The following DZIP3 variants were observed in gnomAD, a reference collection of about 807,000 sequenced individuals.
DZIP3 encodes the protein E3 ubiquitin-protein ligase DZIP3.
DZIP3 carries 118 observed loss-of-function variants against 162.0 expected under a neutral mutation model. The observed-to-expected ratio is 0.73, with a 90% CI of 0.63 to 0.85. DZIP3 has a LOEUF of 0.85. Among genes scored for constraint, DZIP3 ranks in the 40% least tolerant of loss-of-function variants. The pLI, the probability that DZIP3 is intolerant of heterozygous loss-of-function variation, is 0.00. For synonymous variants in DZIP3, 438 were observed against 458.6 expected, an observed-to-expected ratio of 0.96 and a Z score of 0.57; for missense variants, 1,331 against 1,407.0, an observed-to-expected ratio of 0.95 and a Z score of 0.86.
chr3:108,660,420 A>C (rs1943365708), intron 19 of DZIP3, among the ~76,000 whole-genome samples: 1 of 152,210 alleles, frequency 6.6e-6, no homozygotes, highest in South Asian at 2.1e-4. Flanking sequence ...GGTGCTGGGA[A>C]AACTGGCTAG....
rs931515410 is a variant in DZIP3 at position 108,686,936 on chromosome 3, CTATA to C, written c.3149+355_3149+358del. On this transcript the variant is annotated intron_variant, in intron 28 of 32. Coordinates refer to ENST00000361582, the MANE Select transcript of DZIP3 (RefSeq NM_014648.4). ...AAGTGAATTTTAAGTTGATTGTATG[CTATA>C]TAAGCCCAAACATCTTTAGGATTTA... Among the ~76,000 whole-genome samples the C allele has an allele frequency of 2.2e-4, 34 of 152,194 alleles. 1 individual carries two copies. The highest frequency in any genetic ancestry group is 2.1e-3 in the Admixed American group (32 of 15,294).
In DZIP3 at chr3:108,654,004, A is replaced by T. The variant is rs938300372; in HGVS notation, c.2034-141A>T. The T allele has an allele frequency of 1.2e-5, 10 of 805,450 alleles. No individual in the cohort carries two copies. In the East Asian group the frequency reaches 2.4e-4, roughly 20 times the overall value. 49.9% of individuals were successfully genotyped at this position (805,450 alleles called of 1,614,324 possible). On this transcript the variant is annotated intron_variant, in intron 18 of 32. Coordinates refer to ENST00000361582, the MANE Select transcript of DZIP3 (RefSeq NM_014648.4). ...AAAAGAAAGACTCAGTATGAGCACT[A>T]TCCAAACTTCCTTTGATCATGAACC...
Position 108,625,933 on chromosome 3 carries a change from A to G in DZIP3, c.545A>G (p.Tyr182Cys). Residue 182 changes from tyrosine to cysteine, a missense_variant, in exon 7 of 33, where the codon TAT becomes TGT. Around this residue, in one of 2 missense-constraint regions of DZIP3, gnomAD observed 1,278 missense variants for 1,317.1 expected, o/e 0.97. Transcript: ENST00000361582. ...EICENFMSLV[Y>C]FGRGLLRCAQ... ...TGTGAAAACTTTATGTCTTTAGTTT[A>G]TTTTGGACGTGGTTTACTGCGATGT... 6.2e-7 allele frequency: 1 copy of G among 1,613,454 alleles called. No homozygotes were observed. Among genetic ancestry groups the G allele is most frequent in the Non-Finnish European group, 8.5e-7 (1 of 1,179,790 alleles).
intron 2 of DZIP3, among the ~76,000 whole-genome samples, chr3:108,606,274 C>T (rs1940366680): frequency 1.3e-5 from 2 of 152,196 alleles, no homozygotes; most frequent in Non-Finnish European, 2.9e-5. Context: ...AGGGCAAGTT[C>T]AGCCCACCTC....
chr3:108,686,635 C>CATAGCCATA, intron 28 of DZIP3, 51 bp downstream of exon 28: 1 of 1,434,350 alleles, frequency 7.0e-7, no homozygotes, highest in Non-Finnish European at 9.2e-7. Context: ...CTCCAGTTTT[C>CATAGCCATA]ATAGCCATAA....
At chr3:108,686,422 C>A in intron 27 of DZIP3, 23 bp from the exon 28 acceptor site, 1 of 1,537,762 alleles carries the variant, frequency 6.5e-7, no homozygotes, top group Non-Finnish European at 8.7e-7. Context: ...ACCTGCTGGG[C>A]TATAGCTCTC....
At chr3:108,686,606 G>C in intron 28 of DZIP3, 22 bp downstream of exon 28, 1 of 1,578,664 alleles carries the variant, frequency 6.3e-7, no homozygotes, top group African/African-American at 1.4e-5. Context: ...TTTATTTATT[G>C]GTGGGTACAG....
At chr3:108,631,583 C>CTTT (rs10708434) in intron 8 of DZIP3, among the ~76,000 whole-genome samples, 9 of 101,360 alleles carry the variant, frequency 8.9e-5, no homozygotes, top group East Asian at 2.6e-4. Flanking sequence ...TTATTATTCC[C>CTTT]TTTTTTTTTT....
intron 4 of DZIP3, among the ~76,000 whole-genome samples, chr3:108,613,852 G>A (rs1401695889): frequency 6.6e-6 from 1 of 152,136 alleles, no homozygotes; most frequent in Non-Finnish European, 1.5e-5. Context: ...AAAACCGTAT[G>A]TTCATAAGGT....
chr3:108,690,788 G>T lies in DZIP3; in HGVS notation c.3518G>T (p.Cys1173Phe), dbSNP rs1268708716. Residue 1173 changes from cysteine (C) to phenylalanine (F), a missense_variant and splice_region_variant, in exon 32 of 33, where the codon TGC becomes TTC. Physicochemically the swap from Cys to Phe is radical, Grantham distance 205. Coordinates refer to ENST00000361582, the MANE Select transcript of DZIP3 (RefSeq NM_014648.4). ...GACATAAATCTTTTTGCTCCTTAGT[G>T]CATTAGACCATGGTTGATGCAACAG... ...LPCAHKFHAQCIRPWLMQQGT... is the reference protein window; with the variant it reads ...LPCAHKFHAQFIRPWLMQQGT... The T allele has an allele frequency of 3.1e-6, 5 of 1,613,660 alleles. No homozygotes were observed. The highest frequency in any genetic ancestry group is 2.2e-5 in the East Asian group (1 of 44,874).
At chr3:108,625,697 G>A (rs1471480428) in intron 6 of DZIP3, 148 bp from the exon 7 acceptor site, 2 of 700,262 alleles carry the variant, frequency 2.9e-6, no homozygotes, top group African/African-American at 3.7e-5. Flanking sequence ...ATGCAGAGAT[G>A]CCAGGATTCA....
At chr3:108,607,533 A>G (rs191482789) in intron 2 of DZIP3, among the ~76,000 whole-genome samples, 75 of 152,286 alleles carry the variant, frequency 4.9e-4, no homozygotes, top group African/African-American at 1.6e-3. Context: ...AGTTCAGTAT[A>G]TAATACTGCA....
At chr3:108,677,675 C>T in intron 26 of DZIP3, 77 bp downstream of exon 26, 1 of 1,258,846 alleles carries the variant, frequency 7.9e-7, no homozygotes, top group Non-Finnish European at 1.2e-6. Context: ...ACTGAATATG[C>T]AGTATGTTTA....
At chr3:108,631,055 A>ACACATATACACTCT in intron 8 of DZIP3, among the ~76,000 whole-genome samples, 1 of 18,006 alleles carries the variant, frequency 5.6e-5, no homozygotes, top group Non-Finnish European at 9.0e-5. Context: ...ACACACACAC[A>ACACATATACACTCT]CTCTCTCTCT....
At position 108,688,607 on chromosome 3, in the gene DZIP3, A is replaced by C; in HGVS notation, c.3285A>C (p.Ser1095=). 1 of 1,610,540 alleles carries C rather than the reference A, an allele frequency of 6.2e-7. No homozygotes were observed. The highest frequency in any genetic ancestry group is 8.5e-7 in the Non-Finnish European group (1 of 1,179,146). Reference sequence around the variant, plus strand: ...CTTATTTTCAGAGTCAAGGAAAATCAGTGTCAAATGTTAATTGTGTTTCAC... The same window carrying C: ...CTTATTTTCAGAGTCAAGGAAAATCCGTGTCAAATGTTAATTGTGTTTCAC... ...DPKKSQSQGK[S]VSNVNCVSPS... The change falls in exon 30 of 33, where the codon TCA becomes TCC. Residue 1095 remains serine, a synonymous_variant. Transcript: ENST00000361582.
chr3:108,622,489 G>A (rs115547522), intron 5 of DZIP3, among the ~76,000 whole-genome samples: 2,893 of 152,106 alleles, frequency 0.019, 101 homozygotes, highest in African/African-American at 0.067. Context: ...TTTTGGTTTG[G>A]TAAAGTCATG....
At chr3:108,628,640 G>T (rs902939383) in intron 7 of DZIP3, among the ~76,000 whole-genome samples, 1 of 152,050 alleles carries the variant, frequency 6.6e-6, no homozygotes, top group African/African-American at 2.4e-5. Flanking sequence ...ATTAAATTTG[G>T]GCCTTATTTT....
intron 1 of DZIP3, among the ~76,000 whole-genome samples, chr3:108,592,883 C>T (rs1939507796): frequency 6.6e-6 from 1 of 152,256 alleles, no homozygotes; most frequent in Non-Finnish European, 1.5e-5. Flanking sequence ...AATTACCTCA[C>T]CCCTTCCAGT....
chr3:108,656,025 G>T (rs984256433), intron 19 of DZIP3, among the ~76,000 whole-genome samples: 5 of 152,226 alleles, frequency 3.3e-5, no homozygotes, highest in Non-Finnish European at 5.9e-5. Flanking sequence ...ACCCACCACA[G>T]CTCAAGGAGG....
Sources: gnomAD v4.1 joint callset for allele counts (sites outside exome capture counted in the v4.1 genomes callset) on GRCh38, gnomAD v4.1.1 for gene constraint, gnomAD v4.1.1 regional missense constraint, MANE v1.5 for transcripts, NCBI Gene and HGNC (gene_info 2026-07-23, HGNC 2026-07-21) for gene names.